VRTN: variants seen among roughly 807,000 people sequenced by gnomAD.
VRTN encodes vertebrae development associated.
A neutral mutation model predicts 18.2 loss-of-function variants in VRTN; 5 were observed. That is an observed-to-expected ratio of 0.27 (90% CI 0.14 to 0.58). The LOEUF is 0.58. Among genes scored for constraint, VRTN ranks in the 20% least tolerant of loss-of-function variants. The pLI is 0.91. For missense variants in VRTN, 741 were observed against 939.4 expected (o/e 0.79, Z 2.76); for synonymous variants, 381 against 393.7 (o/e 0.97, Z 0.38).
At chr14:74,346,455 G>T (rs545548180), upstream of VRTN, among the ~76,000 whole-genome samples, 25 of 152,126 alleles carry the variant, frequency 1.6e-4, no homozygotes, top group Admixed American at 4.6e-4. Flanking sequence ...ACCCAGGCTG[G>T]AGTGTAGTGG....
intron 2 of VRTN, among the ~76,000 whole-genome samples, chr14:74,338,209 C>T (rs1483414168): frequency 6.6e-6 from 1 of 152,146 alleles, no homozygotes; most frequent in African/African-American, 2.4e-5. Flanking sequence ...GCTTCGTATA[C>T]TCTAATATCT....
chr14:74,308,520 C>CT (rs907528361), intron 1 of VRTN, among the ~76,000 whole-genome samples: 55 of 146,874 alleles, frequency 3.7e-4, no homozygotes, highest in Middle Eastern at 3.5e-3. Flanking sequence ...TTCAAGGCTT[C>CT]TTTTTTTTTT....
At chr14:74,340,939 TC>T (rs2085601443) in intron 2 of VRTN, among the ~76,000 whole-genome samples, 1 of 151,938 alleles carries the variant, frequency 6.6e-6, no homozygotes, top group African/African-American at 2.4e-5. Context: ...AGACGGGGTT[TC>T]ACCATGTTGG....
intron 1 of VRTN, among the ~76,000 whole-genome samples, chr14:74,317,839 A>G (rs377179684): frequency 4.3e-4 from 65 of 151,672 alleles, no homozygotes; most frequent in African/African-American, 1.4e-3. Context: ...CAAAATCTCA[A>G]TGGTGGCTGG....
Position 74,350,536 on chromosome 14 carries a change from A to G in VRTN, c.-2+1884A>G, listed in dbSNP as rs2085676787. ...GGACCTCAATTTCCTTATCTGTAAA[A>G]TGGCCAGGTTTGTCTTAAAGTCCTA... On this transcript the variant is annotated intron_variant, in intron 1 of 1. Transcript: ENST00000256362. Among the ~76,000 whole-genome samples, 12 of 152,128 alleles carry G rather than the reference A, an allele frequency of 7.9e-5. 1 individual carries two copies. The highest frequency in any genetic ancestry group is 7.9e-4 in the Admixed American group (12 of 15,258).
chr14:74,341,294 G>T (rs969892537), intron 2 of VRTN, among the ~76,000 whole-genome samples: 6 of 152,158 alleles, frequency 3.9e-5, no homozygotes, highest in African/African-American at 1.4e-4. Flanking sequence ...GGGGAGGCCA[G>T]GTAATTTACT....
At position 74,359,058 on chromosome 14, in the gene VRTN, A is replaced by G; in HGVS notation, c.*166A>G. ...TTATTTTCTGGCTCCAGGACAGAGA[A>G]TGCCAGAAATCAGCCATCTGGTCTC... On this transcript the variant is annotated 3_prime_UTR_variant, in exon 2 of 2. Transcript: ENST00000256362. The G allele has an allele frequency of 7.6e-7, 1 of 1,310,840 alleles. No homozygotes were observed. The highest frequency in any genetic ancestry group is 9.9e-7 in the Non-Finnish European group (1 of 1,009,840). The allele number at this position is 1,310,840 out of a possible 1,614,324, so 81.2% of individuals were successfully genotyped here. A position where few individuals can be genotyped will look rare whatever the true frequency, so the allele number is the denominator to read the frequency against.
Position 74,348,580 on chromosome 14 carries a change from G to A in VRTN, c.-74G>A, listed in dbSNP as rs1193249390. On this transcript the variant is annotated 5_prime_UTR_variant, in exon 1 of 2. Coordinates refer to ENST00000256362, the MANE Select transcript of VRTN (RefSeq NM_018228.3). ...TACTTGAGAAGGCCTTTCCCCACAG[G>A]GTGACTTAAATGTCCCAGGCTGGAA... is the stretch of plus-strand genomic sequence containing the variant. 6.6e-6 allele frequency: 1 copy of A among 152,408 alleles called. No individual in the cohort carries two copies. The highest frequency in any genetic ancestry group is 1.5e-5 in the Non-Finnish European group (1 of 68,254). The allele number at this position is 152,408 out of a possible 1,614,324, so 9.4% of individuals were successfully genotyped here.
Position 74,358,301 on chromosome 14 carries a change from T to C in VRTN, c.1518T>C (p.Arg506=). The change falls in exon 2 of 2, where the codon CGT becomes CGC. Residue 506 remains arginine (R), a synonymous_variant. Coordinates refer to ENST00000256362, the MANE Select transcript of VRTN (RefSeq NM_018228.3). This position sits in a 1 kb window ranked among gnomAD's most constrained non-coding sequence, Gnocchi z 5.4. ...TGCCACTAAGGATGCCCCTGTCCCG[T>C]TGGCAGAGGCGTCTGCGCAGGGCTG... ...ELLPLRMPLS[R]WQRRLRRAAR... is the part of the protein sequence containing the mutation. 6.2e-7 allele frequency: 1 copy of C among 1,611,148 alleles called. No individual in the cohort carries two copies. The highest frequency in any genetic ancestry group is 1.1e-5 in the South Asian group (1 of 91,002).
chr14:74,334,366 T>C (rs917473596), intron 1 of VRTN, among the ~76,000 whole-genome samples: 1 of 151,984 alleles, frequency 6.6e-6, no homozygotes, highest in Non-Finnish European at 1.5e-5. Context: ...CCATCTCTAA[T>C]AAAAATACAA....
At chr14:74,329,286 A>G (rs947763718) in intron 1 of VRTN, among the ~76,000 whole-genome samples, 1 of 151,854 alleles carries the variant, frequency 6.6e-6, no homozygotes, top group African/African-American at 2.4e-5. Flanking sequence ...AAAAAAAAAA[A>G]AAAGAAACAG....
intron 1 of VRTN, among the ~76,000 whole-genome samples, chr14:74,307,981 G>T (rs2085365139): frequency 6.6e-6 from 1 of 152,170 alleles, no homozygotes; most frequent in Non-Finnish European, 1.5e-5. Context: ...ACCTGCCTCA[G>T]CCTCCCAAAG....
intron 1 of VRTN, among the ~76,000 whole-genome samples, chr14:74,303,816 G>C (rs542067995): frequency 4.0e-5 from 6 of 150,712 alleles, no homozygotes; most frequent in Non-Finnish European, 7.4e-5. Flanking sequence ...AGTCTAGCTG[G>C]GTAGGTCAAT....
At chr14:74,333,696 C>CA (rs2085544078) in intron 1 of VRTN, among the ~76,000 whole-genome samples, 1 of 151,298 alleles carries the variant, frequency 6.6e-6, no homozygotes, top group Non-Finnish European at 1.5e-5. Flanking sequence ...AAAAATTAGC[C>CA]AGGCATGGTG....
At chr14:74,303,161 G>A in exon 1 of VRTN, 1 of 423,846 alleles carries the variant, frequency 2.4e-6, no homozygotes, top group Non-Finnish European at 4.2e-6. Context: ...GTATCCGAGA[G>A]TGTAACTACT....
intron 1 of VRTN, among the ~76,000 whole-genome samples, chr14:74,355,656 T>G (rs1488945974): frequency 6.6e-6 from 1 of 152,056 alleles, no homozygotes; most frequent in Admixed American, 6.5e-5. Context: ...TGCCTCAGCC[T>G]CCTGAGTAGC....
intron 1 of VRTN, among the ~76,000 whole-genome samples, chr14:74,303,962 C>T (rs1175422149): frequency 6.6e-6 from 1 of 151,002 alleles, no homozygotes; most frequent in Non-Finnish European, 1.5e-5. Flanking sequence ...AGCCATCCTC[C>T]TGCCTCAGCC....
chr14:74,321,934 G>A lies in VRTN; in HGVS notation c.-163-15789G>A, dbSNP rs189469280. On this transcript the variant is annotated intron_variant, in intron 1 of 2. Transcript: ENST00000557177. ...TGGCTCACTGCAACCTCCACCTCCC[G>A]GGTTTGAGCGATTTTCCTGCCTCAG... Among the ~76,000 whole-genome samples, 502 of 152,200 alleles carry A rather than the reference G, an allele frequency of 3.3e-3. 3 individuals carry two copies. Among genetic ancestry groups the A allele is most frequent in the African/African-American group, 0.012 (479 of 41,508 alleles).
chr14:74,346,461 A>C (rs138572276), upstream of VRTN, among the ~76,000 whole-genome samples: 289 of 152,008 alleles, frequency 1.9e-3, no homozygotes, highest in Admixed American at 4.5e-3. Flanking sequence ...GCTGGAGTGT[A>C]GTGGTGCAAC....
Sources: allele counts gnomAD v4.1 joint callset (sites outside exome capture counted in the v4.1 genomes callset), GRCh38; gene constraint gnomAD v4.1.1; non-coding constraint Gnocchi (gnomAD v3.1); transcripts MANE v1.5; gene names NCBI Gene and HGNC (gene_info 2026-07-23, HGNC 2026-07-21).